Variants in HK2 observed in about 807,000 individuals in gnomAD.
HK2 encodes the protein hexokinase-2.
In HK2, 42 loss-of-function variants were observed where a neutral mutation model predicts 92.9. The ratio of observed to expected loss-of-function variants is 0.45; its 90% confidence interval spans 0.35 to 0.58. HK2 has a LOEUF of 0.58. HK2 is among the 20% of genes least tolerant of loss of function. The pLI is 0.00. For missense variants in HK2, 978 were observed against 1,245.1 expected, an observed-to-expected ratio of 0.79 and a Z score of 3.23; for synonymous variants, 422 against 468.0, an observed-to-expected ratio of 0.90 and a Z score of 1.27.
intron 2 of HK2, among the ~76,000 whole-genome samples, chr2:74,861,451 G>A (rs1688824460): frequency 6.6e-6 from 1 of 151,458 alleles, no homozygotes; most frequent in African/African-American, 2.4e-5. Flanking sequence ...AGAATTGATA[G>A]CATTTAATGA....
chr2:74,890,993 A>G lies in HK2; in HGVS notation c.*52A>G. The stretch of plus-strand genomic sequence containing the variant: ...TCTTTCTCTCCTTCTTCCCTGTTTT[A>G]AATTATAAGATGTCATCCCCTTGTG... On this transcript the variant is annotated 3_prime_UTR_variant, in exon 18 of 18. Coordinates refer to ENST00000290573, the MANE Select transcript of HK2 (RefSeq NM_000189.5). The G allele has an allele frequency of 6.3e-7, 1 of 1,596,718 alleles. No homozygotes were observed. Among genetic ancestry groups the G allele is most frequent in the African/African-American group, 1.3e-5 (1 of 74,810 alleles).
At position 74,834,719 on chromosome 2, in the gene HK2, C is replaced by T. The variant is rs1688107473; in HGVS notation, c.63+76C>T. 6 of 1,493,154 alleles carry T rather than the reference C, an allele frequency of 4.0e-6. No homozygotes were observed. In the South Asian group the frequency reaches 5.6e-5, roughly 14 times the overall value. The allele number at this position is 1,493,154 out of a possible 1,614,324, so 92.5% of individuals were successfully genotyped here. A position where few individuals can be genotyped will look rare whatever the true frequency, so the allele number is the denominator to read the frequency against. On this transcript the variant is annotated intron_variant, in intron 1 of 17. Coordinates refer to ENST00000290573, the MANE Select transcript of HK2 (RefSeq NM_000189.5). This position sits in a 1 kb window ranked among gnomAD's most constrained non-coding sequence, Gnocchi z 4.2. ...GCCTCCATCAGTCTCTTCCTCGACC[C>T]TGCGGGGACCCGCTTCCTCCCTACT...
At chr2:74,854,148 G>T in intron 1 of HK2, 145 bp from the exon 2 acceptor site, 1 of 788,242 alleles carries the variant, frequency 1.3e-6, no homozygotes. Flanking sequence ...CTGTCAAATC[G>T]GTTCCTACTA....
At chr2:74,887,687 C>T (rs544557889) in intron 15 of HK2, among the ~76,000 whole-genome samples, 4 of 152,092 alleles carry the variant, frequency 2.6e-5, no homozygotes, top group South Asian at 4.2e-4. Flanking sequence ...CCACGGGCCT[C>T]GGGCACTGTG....
At chr2:74,840,440 C>T (rs1688277296) in intron 1 of HK2, among the ~76,000 whole-genome samples, 1 of 152,032 alleles carries the variant, frequency 6.6e-6, no homozygotes, top group African/African-American at 2.4e-5. Flanking sequence ...AACTGGCTTC[C>T]TTTGTTCAGA....
Position 74,885,885 on chromosome 2 carries a change from C to CACACACACACAA in HK2, c.1935+297_1935+298insCACACACACAAA, listed in dbSNP as rs58908262. ...ACACACACACACACACACACACACACAGTAAAGGAATAAAAGAATGGCCAC... is the reference window on the plus strand; with the variant it reads ...ACACACACACACACACACACACACACACACACACACAAAGTAAAGGAATAAAAGAATGGCCAC... On this transcript the variant is annotated intron_variant, in intron 13 of 17. Transcript: ENST00000290573. Among the ~76,000 whole-genome samples, 403 of 148,530 alleles carry CACACACACACAA rather than the reference C, an allele frequency of 2.7e-3. 4 individuals carry two copies. Among genetic ancestry groups the CACACACACACAA allele is most frequent in the African/African-American group, 9.8e-3 (385 of 39,410 alleles).
At chr2:74,840,606 G>A (rs568874480) in intron 1 of HK2, among the ~76,000 whole-genome samples, 33 of 150,382 alleles carry the variant, frequency 2.2e-4, no homozygotes, top group East Asian at 8.0e-4. Flanking sequence ...GGTGGCTCAC[G>A]CCTGTAATCC....
chr2:74,872,217 T>C, intron 3 of HK2, 83 bp from the exon 4 acceptor site: 1 of 1,421,348 alleles, frequency 7.0e-7, no homozygotes. Context: ...TTCAGCTAGT[T>C]ACGTGCTGAG....
intron 2 of HK2, among the ~76,000 whole-genome samples, chr2:74,863,582 AC>A (rs1231240569): frequency 6.6e-6 from 1 of 152,120 alleles, no homozygotes; most frequent in East Asian, 1.9e-4. Context: ...GTGCCTTGAG[AC>A]CTGTGTCTTG....
At position 74,889,307 on chromosome 2, in the gene HK2, G is replaced by C. The variant is rs1038652002; in HGVS notation, c.2438G>C (p.Cys813Ser). 5.0e-6 allele frequency: 8 copies of C among 1,614,248 alleles called. No individual in the cohort carries two copies. The highest frequency in any genetic ancestry group is 1.7e-5 in the Admixed American group (1 of 60,030). Reference protein sequence around the residue: ...ILQHLGLESTCDDSIIVKEVC... With the variant: ...ILQHLGLESTSDDSIIVKEVC... ...CAACACTTAGGGCTTGAGAGCACCTGTGACGACAGCATCATTGTTAAGGAG... is the reference window on the plus strand; with the variant it reads ...CAACACTTAGGGCTTGAGAGCACCTCTGACGACAGCATCATTGTTAAGGAG... The change falls in exon 17 of 18, where the codon TGT (cysteine) becomes TCT (serine). Residue 813 changes from cysteine (C) to serine (S), a missense_variant. Physicochemically the swap from Cys to Ser is moderately radical, Grantham distance 112. Coordinates refer to ENST00000290573, the MANE Select transcript of HK2 (RefSeq NM_000189.5).
At chr2:74,839,027 T>C (rs1035792122) in intron 1 of HK2, among the ~76,000 whole-genome samples, 5 of 152,202 alleles carry the variant, frequency 3.3e-5, no homozygotes, top group African/African-American at 9.6e-5. Context: ...ACATAGCTCA[T>C]GTAGATTCCT....
At chr2:74,854,201 C>A in intron 1 of HK2, 92 bp from the exon 2 acceptor site, 1 of 1,219,982 alleles carries the variant, frequency 8.2e-7, no homozygotes, top group Non-Finnish European at 1.2e-6. Context: ...AGATTTTGTT[C>A]TTTTGAAGAG....
At position 74,889,251 on chromosome 2, in the gene HK2, C is replaced by G. The variant is rs543210991; in HGVS notation, c.2382C>G (p.Cys794Trp). Reference sequence around the variant, plus strand: ...TGTCTCCCTCCCACCCCAGTGACTGCCTGGCCCTGCTGCAAGTCCGAGCCA... The same window carrying G: ...TGTCTCCCTCCCACCCCAGTGACTGGCTGGCCCTGCTGCAAGTCCGAGCCA... ...TKFLSQIESD[C>W]LALLQVRAIL... The change falls in exon 17 of 18, where the codon TGC becomes TGG. Residue 794 changes from cysteine to tryptophan, a missense_variant. Cys to Trp is a radical substitution (Grantham distance 215). This residue lies in a region of HK2 where 742 missense variants were observed against 922.5 expected (regional missense o/e 0.80). Transcript: ENST00000290573. 6.2e-7 allele frequency: 1 copy of G among 1,613,566 alleles called. No homozygotes were observed. The highest frequency in any genetic ancestry group is 1.1e-5 in the South Asian group (1 of 90,948).
At chr2:74,863,037 C>G (rs937154506) in intron 2 of HK2, among the ~76,000 whole-genome samples, 2 of 152,204 alleles carry the variant, frequency 1.3e-5, no homozygotes, top group Non-Finnish European at 2.9e-5. Flanking sequence ...AGAGCTTACA[C>G]AATATTGAAA....
intron 2 of HK2, among the ~76,000 whole-genome samples, chr2:74,864,289 G>A (rs569397846): frequency 1.3e-5 from 2 of 152,270 alleles, no homozygotes; most frequent in East Asian, 1.9e-4. Context: ...GCCATGTCAC[G>A]TGAGCCCTAT....
intron 5 of HK2, 21 bp downstream of exon 5, chr2:74,873,392 T>C (rs758672792): frequency 1.9e-6 from 3 of 1,572,262 alleles, no homozygotes; most frequent in East Asian, 2.2e-5. Context: ...TGGCAGGAGC[T>C]TGGGGTCTGT....
chr2:74,860,655 G>A (rs1291927483), intron 2 of HK2, among the ~76,000 whole-genome samples: 1 of 152,176 alleles, frequency 6.6e-6, no homozygotes, highest in Non-Finnish European at 1.5e-5. Flanking sequence ...GGACACCCGG[G>A]CAGTTTCCAG....
At chr2:74,885,403 G>A in intron 12 of HK2, 91 bp from the exon 13 acceptor site, 1 of 844,868 alleles carries the variant, frequency 1.2e-6, no homozygotes, top group South Asian at 1.4e-5. Flanking sequence ...TCTGACCTGT[G>A]AGGTTGAGAG....
chr2:74,845,805 G>C lies in HK2; in HGVS notation c.64-8488G>C, dbSNP rs143962393. Among the ~76,000 whole-genome samples the C allele has an allele frequency of 4.3e-3, 649 of 152,358 alleles. 5 individuals are homozygous for C. Among genetic ancestry groups the C allele is most frequent in the African/African-American group, 0.015 (636 of 41,592 alleles). On this transcript the variant is annotated intron_variant, in intron 1 of 17. Transcript: ENST00000290573. Reference sequence around the variant, plus strand: ...AGACTTACAGAATCCATGTTCTGCTGTGTGTCTTCCCCCCGGCTCATCTTT... The same window carrying C: ...AGACTTACAGAATCCATGTTCTGCTCTGTGTCTTCCCCCCGGCTCATCTTT...
Sources: allele counts gnomAD v4.1 joint callset (sites outside exome capture counted in the v4.1 genomes callset), GRCh38; gene constraint gnomAD v4.1.1; regional missense constraint gnomAD v4.1.1; non-coding constraint Gnocchi (gnomAD v3.1); transcripts MANE v1.5; gene names NCBI Gene and HGNC (gene_info 2026-07-23, HGNC 2026-07-21).